The following TMEM200A variants were observed in gnomAD, a reference collection of about 807,000 sequenced individuals.
TMEM200A encodes the protein two transmembrane C.
Under a neutral mutation model 24.3 loss-of-function variants are expected in TMEM200A, and 12 were observed. The ratio of observed to expected loss-of-function variants is 0.49; its 90% CI spans 0.32 to 0.80. TMEM200A has a LOEUF of 0.80. TMEM200A is among the 30% of genes least tolerant of loss of function. The probability of loss-of-function intolerance (pLI) is 0.04; values close to 1 mark genes in which losing one functional copy is unlikely to be tolerated. For missense variants in TMEM200A, 545 were observed against 614.4 expected (o/e 0.89, Z 1.19); for synonymous variants, 224 against 224.4 (o/e 1.00, Z 0.02).
Position 130,409,172 on chromosome 6 carries a change from T to G in TMEM200A, c.-17+23936T>G, listed in dbSNP as rs1779277021. On this transcript the variant is annotated intron_variant, in intron 2 of 2. Transcript: ENST00000296978. Reference sequence around the variant, plus strand: ...GTTTTCTCTACCTTTTCCTGCACCCTCTTTTCTTTATCTGTCACAGGTGTT... The same window carrying G: ...GTTTTCTCTACCTTTTCCTGCACCCGCTTTTCTTTATCTGTCACAGGTGTT... Among the ~76,000 whole-genome samples, 4 of 152,236 alleles carry G rather than the reference T, an allele frequency of 2.6e-5. No individual in the cohort carries two copies. The South Asian group carries it at 8.3e-4, about 31-fold the overall frequency.
chr6:130,372,023 G>A (rs942166360), intron 1 of TMEM200A, among the ~76,000 whole-genome samples: 1 of 152,066 alleles, frequency 6.6e-6, no homozygotes, highest in Non-Finnish European at 1.5e-5. Context: ...CCCCACCATC[G>A]CCACTTTTCT....
intron 2 of TMEM200A, among the ~76,000 whole-genome samples, chr6:130,432,157 C>T (rs1010629382): frequency 6.6e-6 from 1 of 152,182 alleles, no homozygotes; most frequent in African/African-American, 2.4e-5. Flanking sequence ...TATGCCCAGG[C>T]ACCATGTTCC....
intron 2 of TMEM200A, among the ~76,000 whole-genome samples, chr6:130,391,776 T>G (rs2115110569): frequency 8.0e-6 from 1 of 124,766 alleles, no homozygotes; most frequent in African/African-American, 3.1e-5. Flanking sequence ...AGAGTCTCGC[T>G]CTGTCGCCCA....
At chr6:130,393,246 G>A (rs1778877952) in intron 2 of TMEM200A, among the ~76,000 whole-genome samples, 1 of 152,164 alleles carries the variant, frequency 6.6e-6, no homozygotes, top group African/African-American at 2.4e-5. Context: ...AGGGATCTGG[G>A]TATTAAGTCA....
At chr6:130,423,679 T>G (rs991484371) in intron 2 of TMEM200A, among the ~76,000 whole-genome samples, 1 of 152,102 alleles carries the variant, frequency 6.6e-6, no homozygotes, top group African/African-American at 2.4e-5. Flanking sequence ...TTTTTTAGTA[T>G]TCTCTTAGCT....
intron 1 of TMEM200A, chr6:130,382,055 T>A (rs1778610588): frequency 4.9e-6 from 4 of 816,328 alleles, no homozygotes; most frequent in African/African-American, 1.9e-5. Flanking sequence ...CAGTTGAGAT[T>A]TTTTTTGGAA....
At chr6:130,384,627 T>G (rs1181768375) in intron 1 of TMEM200A, among the ~76,000 whole-genome samples, 5 of 152,218 alleles carry the variant, frequency 3.3e-5, no homozygotes, top group Non-Finnish European at 2.9e-5. Flanking sequence ...ATTATTGTTT[T>G]AATTAATAAA....
chr6:130,438,871 G>A (rs1780086338), intron 2 of TMEM200A: 1 of 152,300 alleles, frequency 6.6e-6, no homozygotes, highest in Non-Finnish European at 1.5e-5. Flanking sequence ...GTCAGCTAGA[G>A]AAGGCTTTAT....
chr6:130,411,868 A>G (rs1379889824), intron 2 of TMEM200A, among the ~76,000 whole-genome samples: 4 of 152,156 alleles, frequency 2.6e-5, no homozygotes, highest in African/African-American at 4.8e-5. Context: ...TCCATTTTTA[A>G]TTACTGTTTT....
intron 2 of TMEM200A, among the ~76,000 whole-genome samples, chr6:130,429,349 C>T (rs970988262): frequency 6.6e-6 from 1 of 152,048 alleles, no homozygotes; most frequent in Non-Finnish European, 1.5e-5. Flanking sequence ...TGGTGAAACC[C>T]CATCTCTACT....
chr6:130,391,105 C>T (rs1029760907), intron 2 of TMEM200A, among the ~76,000 whole-genome samples: 4 of 152,186 alleles, frequency 2.6e-5, no homozygotes, highest in African/African-American at 9.7e-5. Flanking sequence ...TATCAGTTTA[C>T]CTGTGCCCCT....
intron 1 of TMEM200A, chr6:130,383,112 T>C (rs938595053): frequency 1.9e-5 from 18 of 966,594 alleles, no homozygotes; most frequent in Non-Finnish European, 2.0e-5. Flanking sequence ...TCACATTCAA[T>C]TGAATTAGGA....
intron 1 of TMEM200A, among the ~76,000 whole-genome samples, chr6:130,381,548 G>A (rs1023055934): frequency 3.3e-5 from 5 of 152,212 alleles, no homozygotes; most frequent in East Asian, 3.9e-4. Context: ...TATCAGGCTC[G>A]GATTACAGTG....
intron 2 of TMEM200A, among the ~76,000 whole-genome samples, chr6:130,387,696 T>C (rs1778742344): frequency 6.6e-6 from 1 of 152,218 alleles, no homozygotes; most frequent in South Asian, 2.1e-4. Flanking sequence ...CACTCAAATA[T>C]GTTAAGGGAA....
intron 2 of TMEM200A, among the ~76,000 whole-genome samples, chr6:130,396,968 A>G (rs953300863): frequency 1.3e-5 from 2 of 152,142 alleles, no homozygotes; most frequent in Admixed American, 6.6e-5. Flanking sequence ...TTGTACTTAC[A>G]ATTATTTATA....
chr6:130,366,542 G>T lies in TMEM200A; in HGVS notation c.-81+18G>T. 1.0e-6 allele frequency: 1 copy of T among 985,796 alleles called. No individual in the cohort carries two copies. Among genetic ancestry groups the T allele is most frequent in the Non-Finnish European group, 1.2e-6 (1 of 830,284 alleles). The allele number at this position is 985,796 out of a possible 1,614,324, so 61.1% of individuals were successfully genotyped here. A position where few individuals can be genotyped will look rare whatever the true frequency, so the allele number is the denominator to read the frequency against. ...CAGGACAGGTGAGGGGAAGGAAAGG[G>T]TGCTGACGGGAGTGGGGAGGTGGGT... On this transcript the variant is annotated intron_variant, in intron 1 of 2. Coordinates refer to ENST00000296978, the MANE Select transcript of TMEM200A (RefSeq NM_001258277.2). The surrounding 1 kb of genome is among the most constrained non-coding windows in gnomAD (Gnocchi z 4.4).
chr6:130,418,404 A>C (rs1472276503), intron 2 of TMEM200A, among the ~76,000 whole-genome samples: 1 of 152,212 alleles, frequency 6.6e-6, no homozygotes, highest in Non-Finnish European at 1.5e-5. Context: ...AGAGCCACTC[A>C]TGAACCAGAG....
intron 2 of TMEM200A, among the ~76,000 whole-genome samples, chr6:130,385,560 T>A (rs2115097940): frequency 6.6e-6 from 1 of 152,312 alleles, no homozygotes; most frequent in African/African-American, 2.4e-5. Context: ...CTCATTCCTC[T>A]CATTCTTTTC....
intron 2 of TMEM200A, among the ~76,000 whole-genome samples, chr6:130,429,884 C>T (rs560992147): frequency 2.0e-5 from 3 of 152,066 alleles, no homozygotes; most frequent in Admixed American, 6.5e-5. Flanking sequence ...GTAAAAAAAA[C>T]GTGTATAAAT....
Sources: gnomAD v4.1 joint callset for allele counts (sites outside exome capture counted in the v4.1 genomes callset) on GRCh38, gnomAD v4.1.1 for gene constraint, Gnocchi (gnomAD v3.1) non-coding constraint, MANE v1.5 for transcripts, NCBI Gene and HGNC (gene_info 2026-07-23, HGNC 2026-07-21) for gene names.